The following TMC5 variants were observed in gnomAD, a reference collection of about 807,000 sequenced individuals.
TMC5 encodes the protein transmembrane channel-like protein 5.
A neutral mutation model predicts 110.5 loss-of-function variants in TMC5; 86 were observed. That is an observed-to-expected ratio of 0.78 (90% confidence interval 0.65 to 0.93). The LOEUF is 0.93. TMC5 is among the 40% of genes least tolerant of loss of function. TMC5 has a pLI of 0.00. For synonymous variants in TMC5, 455 were observed against 439.5 expected, an observed-to-expected ratio of 1.04 and a Z score of -0.44; for missense variants, 1,144 against 1,222.8, an observed-to-expected ratio of 0.94 and a Z score of 0.96.
At chr16:19,487,667 G>A (rs1001402844) in intron 17 of TMC5, among the ~76,000 whole-genome samples, 5 of 150,990 alleles carry the variant, frequency 3.3e-5, no homozygotes, top group Middle Eastern at 3.2e-3. Flanking sequence ...GCACCATTGC[G>A]CTCCAGCCTG....
chr16:19,446,964 C>T (rs1372927375), intron 4 of TMC5, among the ~76,000 whole-genome samples: 2 of 152,030 alleles, frequency 1.3e-5, no homozygotes, highest in African/African-American at 4.8e-5. Flanking sequence ...GGTGCTCTTC[C>T]TAGTGTCACA....
At chr16:19,490,810 T>TCTTTCTCC (rs1041202641) in intron 18 of TMC5, among the ~76,000 whole-genome samples, 5 of 130,706 alleles carry the variant, frequency 3.8e-5, no homozygotes, top group Non-Finnish European at 8.3e-5. Flanking sequence ...TCCCTCCCTC[T>TCTTTCTCC]CTTTCTCCCT....
intron 5 of TMC5, among the ~76,000 whole-genome samples, chr16:19,450,529 C>G (rs994225995): frequency 2.6e-5 from 4 of 152,172 alleles, no homozygotes; most frequent in African/African-American, 7.2e-5. Context: ...GGATCCTCAG[C>G]ACCTCTTTAA....
chr16:19,434,205 T>G (rs1158753868), intron 2 of TMC5, among the ~76,000 whole-genome samples: 7 of 122,368 alleles, frequency 5.7e-5, no homozygotes, highest in African/African-American at 2.1e-4. Context: ...TATATCTATA[T>G]ATCTATAGTA....
intron 18 of TMC5, 77 bp downstream of exon 18, chr16:19,490,645 G>T: frequency 6.7e-7 from 1 of 1,481,942 alleles, no homozygotes; most frequent in African/African-American, 1.4e-5. Context: ...ATGTTTGGTT[G>T]GAAAGCAAAT....
At chr16:19,415,543 C>G (rs971557547), upstream of TMC5, among the ~76,000 whole-genome samples, 2 of 152,068 alleles carry the variant, frequency 1.3e-5, no homozygotes, top group African/African-American at 2.4e-5. Context: ...GTTGTCTGGC[C>G]CCAAATGACA....
At chr16:19,477,246 T>C (rs931014657) in intron 12 of TMC5, among the ~76,000 whole-genome samples, 194 bp from the exon 13 acceptor site, 10 of 151,554 alleles carry the variant, frequency 6.6e-5, no homozygotes, top group African/African-American at 2.4e-4. Context: ...AGACTCCGTC[T>C]CAAAAAATAA....
chr16:19,471,849 C>T (rs1455548459), intron 10 of TMC5, among the ~76,000 whole-genome samples: 2 of 152,216 alleles, frequency 1.3e-5, no homozygotes, highest in East Asian at 3.8e-4. Flanking sequence ...CAACCTCCAC[C>T]TCCTGGGTTC....
intron 12 of TMC5, among the ~76,000 whole-genome samples, chr16:19,475,151 G>C (rs982487531): frequency 3.9e-5 from 6 of 152,202 alleles, no homozygotes; most frequent in Admixed American, 3.3e-4. Context: ...GCCGGGCATG[G>C]TGGCTCATGC....
intron 1 of TMC5, among the ~76,000 whole-genome samples, chr16:19,422,592 G>A (rs1044849177): frequency 2.0e-5 from 3 of 152,146 alleles, no homozygotes; most frequent in African/African-American, 7.2e-5. Context: ...AGCACTTCGG[G>A]AGGCCAAGGT....
At chr16:19,489,314 C>T (rs1968826979) in intron 17 of TMC5, among the ~76,000 whole-genome samples, 1 of 152,148 alleles carries the variant, frequency 6.6e-6, no homozygotes, top group Non-Finnish European at 1.5e-5. Flanking sequence ...GCACACATCA[C>T]CATGCCTGGC....
intron 10 of TMC5, 49 bp downstream of exon 10, chr16:19,469,874 T>A (rs746046145): frequency 6.2e-6 from 10 of 1,600,612 alleles, no homozygotes; most frequent in Non-Finnish European, 7.7e-6. Flanking sequence ...TCTCCTTCCC[T>A]TCTCCAGTAT....
chr16:19,439,974 A>G lies in TMC5; in HGVS notation c.-65A>G. 7.5e-7 allele frequency: 1 copy of G among 1,331,584 alleles called. No individual in the cohort carries two copies. The highest frequency in any genetic ancestry group is 1.0e-6 in the Non-Finnish European group (1 of 969,764). The allele number at this position is 1,331,584 out of a possible 1,614,324, so 82.5% of individuals were successfully genotyped here. On this transcript the variant is annotated 5_prime_UTR_variant, in exon 3 of 22. Transcript: ENST00000542583. ...TTGTTTTTCAGGTGAAAAAAAAAAA[A>G]GATCCCTGAGTAATTGCAAATGCTG...
chr16:19,434,900 A>G (rs1453756602), intron 2 of TMC5, among the ~76,000 whole-genome samples: 1 of 152,150 alleles, frequency 6.6e-6, no homozygotes, highest in African/African-American at 2.4e-5. Context: ...AAGTCCACAC[A>G]GCCAGCAAAC....
At chr16:19,431,463 A>G (rs928205027) in intron 2 of TMC5, among the ~76,000 whole-genome samples, 1 of 150,930 alleles carries the variant, frequency 6.6e-6, no homozygotes, top group East Asian at 2.0e-4. Flanking sequence ...ACTCGCTTGA[A>G]CCCAGGAGGC....
At chr16:19,446,419 A>G (rs902446895) in intron 4 of TMC5, among the ~76,000 whole-genome samples, 1 of 152,242 alleles carries the variant, frequency 6.6e-6, no homozygotes, top group Non-Finnish European at 1.5e-5. Flanking sequence ...CTGATAATGA[A>G]ACAAGATTGA....
At chr16:19,475,096 T>A (rs7200119) in intron 12 of TMC5, among the ~76,000 whole-genome samples, 1 of 151,962 alleles carries the variant, frequency 6.6e-6, no homozygotes, top group African/African-American at 2.4e-5. Context: ...TTTCTTCCCT[T>A]ACTCGTTCCT....
At chr16:19,421,969 G>A (rs766815464) in intron 1 of TMC5, among the ~76,000 whole-genome samples, 44 of 151,834 alleles carry the variant, frequency 2.9e-4, no homozygotes, top group African/African-American at 7.0e-4. Context: ...GGTGGCTCAC[G>A]CCTGTAATCC....
intron 17 of TMC5, among the ~76,000 whole-genome samples, chr16:19,488,701 C>T (rs116362620): frequency 0.02 from 3,109 of 152,298 alleles, 109 homozygotes; most frequent in African/African-American, 0.07. Context: ...TGTCTGCTCT[C>T]AGTTCCCCAC....
Sources: gnomAD v4.1 joint callset for allele counts (sites outside exome capture counted in the v4.1 genomes callset) on GRCh38, gnomAD v4.1.1 for gene constraint, MANE v1.5 for transcripts, NCBI Gene and HGNC (gene_info 2026-07-23, HGNC 2026-07-21) for gene names.